PTAFR: variants seen among roughly 807,000 people sequenced by gnomAD.
PTAFR encodes platelet-activating factor receptor.
A neutral mutation model predicts 14.7 loss-of-function variants in PTAFR; 8 were observed. The ratio of observed to expected loss-of-function variants is 0.54; its 90% CI spans 0.32 to 0.98. The LOEUF is 0.98. PTAFR is among the 50% of genes least tolerant of loss of function. PTAFR has a pLI of 0.04. For missense variants in PTAFR, 337 were observed against 451.2 expected (o/e 0.75, Z 2.29); for synonymous variants, 156 against 176.5 (o/e 0.88, Z 0.92).
At chr1:28,153,656 G>A (rs1037007775) in intron 1 of PTAFR, among the ~76,000 whole-genome samples, 2 of 151,528 alleles carry the variant, frequency 1.3e-5, no homozygotes, top group African/African-American at 4.9e-5. Flanking sequence ...TTGGGAGGCC[G>A]AAGCAGGCAC....
intron 1 of PTAFR, among the ~76,000 whole-genome samples, chr1:28,188,318 C>T (rs1447627354): frequency 6.6e-6 from 1 of 152,122 alleles, no homozygotes; most frequent in Non-Finnish European, 1.5e-5. Flanking sequence ...TGATGGTGCA[C>T]GCCTGTAATC....
intron 1 of PTAFR, among the ~76,000 whole-genome samples, chr1:28,168,054 G>A (rs1172324394): frequency 7.2e-6 from 1 of 139,548 alleles, no homozygotes; most frequent in Non-Finnish European, 1.5e-5. Flanking sequence ...CGCCTCCCGG[G>A]TTCACGCCAT....
At chr1:28,157,042 C>T (rs764047603) in intron 1 of PTAFR, among the ~76,000 whole-genome samples, 2 of 152,176 alleles carry the variant, frequency 1.3e-5, no homozygotes, top group Non-Finnish European at 2.9e-5. Flanking sequence ...AAAGCCTTTC[C>T]GCCAGGGCCA....
intron 1 of PTAFR, among the ~76,000 whole-genome samples, chr1:28,155,214 TTTG>T (rs761593929): frequency 2.0e-5 from 3 of 152,074 alleles, no homozygotes; most frequent in Non-Finnish European, 2.9e-5. Context: ...GCTTTCCTTT[TTTG>T]TTGTTGTTGT....
At chr1:28,175,330 G>A (rs1012179041) in intron 1 of PTAFR, among the ~76,000 whole-genome samples, 1 of 151,988 alleles carries the variant, frequency 6.6e-6, no homozygotes, top group Non-Finnish European at 1.5e-5. Flanking sequence ...CCCACCTGAG[G>A]CCCAGGACCC....
chr1:28,190,249 C>T (rs964940925), intron 1 of PTAFR, among the ~76,000 whole-genome samples: 3 of 152,130 alleles, frequency 2.0e-5, no homozygotes, highest in East Asian at 3.9e-4. Context: ...GGATTACAGG[C>T]GTGAGCCACC....
chr1:28,193,372 C>A (rs538745425), intron 1 of PTAFR, among the ~76,000 whole-genome samples: 9 of 151,930 alleles, frequency 5.9e-5, no homozygotes, highest in African/African-American at 2.2e-4. Flanking sequence ...GGTGCCCGTT[C>A]GTGTATGTGT....
intron 1 of PTAFR, among the ~76,000 whole-genome samples, chr1:28,162,401 A>G (rs1646334450): frequency 6.6e-6 from 1 of 152,202 alleles, no homozygotes; most frequent in Admixed American, 6.5e-5. Flanking sequence ...AGCAGCTGCC[A>G]CACAAGGCAG....
chr1:28,174,264 C>T (rs2149003098), intron 1 of PTAFR, among the ~76,000 whole-genome samples: 1 of 152,274 alleles, frequency 6.6e-6, no homozygotes, highest in South Asian at 2.1e-4. Flanking sequence ...TCCTGCTCCA[C>T]TGTTGCCCTC....
intron 1 of PTAFR, among the ~76,000 whole-genome samples, chr1:28,173,306 G>T (rs56145744): frequency 2.1e-5 from 2 of 93,976 alleles, no homozygotes; most frequent in African/African-American, 4.2e-5. Context: ...AAAGGGGGGG[G>T]GGTGTGCGGG....
In PTAFR at chr1:28,150,147, A is replaced by G. The variant is rs1260548375; in HGVS notation, c.875T>C (p.Ile292Thr). ...GAACTTCTTGGTGAGGAAACAGTAG[A>G]TAACAGGGTCTAAGACACAGTTGGT... is the stretch of plus-strand genomic sequence containing the variant. ...LSTNCVLDPV[I>T]YCFLTKKFRK... The change falls in exon 2 of 2, where the codon ATC (isoleucine) becomes ACC (threonine). Residue 292 changes from isoleucine to threonine, a missense_variant. Physicochemically the swap from Ile to Thr is moderately conservative, Grantham distance 89. Transcript: ENST00000373857. The surrounding 1 kb of genome is among the most constrained non-coding windows in gnomAD (Gnocchi z 6.3). 5.6e-6 allele frequency: 9 copies of G among 1,614,218 alleles called. No individual in the cohort carries two copies. Among genetic ancestry groups the G allele is most frequent in the Non-Finnish European group, 7.6e-6 (9 of 1,180,034 alleles).
chr1:28,171,078 T>G (rs976589273), intron 1 of PTAFR, among the ~76,000 whole-genome samples: 1 of 151,942 alleles, frequency 6.6e-6, no homozygotes. Context: ...ATCCCAGCAC[T>G]CTGGGAGGCC....
At chr1:28,168,165 G>A (rs1251809310) in intron 1 of PTAFR, among the ~76,000 whole-genome samples, 1 of 147,134 alleles carries the variant, frequency 6.8e-6, no homozygotes, top group East Asian at 2.0e-4. Flanking sequence ...TAGAGAAGGG[G>A]TTTCACCGTG....
chr1:28,171,248 G>A (rs189009218), intron 1 of PTAFR, among the ~76,000 whole-genome samples: 66 of 151,698 alleles, frequency 4.4e-4, no homozygotes, highest in Admixed American at 2.8e-3. Flanking sequence ...ACTTGAACCC[G>A]GGAGGGGGAA....
rs1646157798 is a variant in PTAFR at position 28,149,847 on chromosome 1, T to C, written c.*146A>G. 9.0e-7 allele frequency: 1 copy of C among 1,109,572 alleles called. No individual in the cohort carries two copies. The highest frequency in any genetic ancestry group is 1.3e-6 in the Non-Finnish European group (1 of 787,696). The allele number at this position is 1,109,572 out of a possible 1,614,324, so 68.7% of individuals were successfully genotyped here. On this transcript the variant is annotated 3_prime_UTR_variant, in exon 2 of 2. Transcript: ENST00000373857. ...TTCCAACAGCCTGGCTCTGCCATCA[T>C]CCCTGCCCAGGTGAGGTAGCCTCCA...
chr1:28,181,138 C>T (rs575603101), upstream of PTAFR, among the ~76,000 whole-genome samples: 1 of 152,188 alleles, frequency 6.6e-6, no homozygotes, highest in East Asian at 1.9e-4. Flanking sequence ...GTGAGCACCA[C>T]GCCCGGTCGT....
intron 1 of PTAFR, among the ~76,000 whole-genome samples, chr1:28,166,578 C>T (rs866308665): frequency 2.0e-5 from 3 of 151,182 alleles, no homozygotes; most frequent in Admixed American, 6.6e-5. Context: ...GGCTGAGGCA[C>T]GAGAATCACT....
intron 1 of PTAFR, among the ~76,000 whole-genome samples, chr1:28,152,215 C>T (rs1646201280): frequency 6.6e-6 from 1 of 151,910 alleles, no homozygotes; most frequent in African/African-American, 2.4e-5. Flanking sequence ...TTTTTTCCTA[C>T]ATAAAATAAT....
At chr1:28,188,684 C>T (rs1340738326) in intron 1 of PTAFR, among the ~76,000 whole-genome samples, 8 of 151,896 alleles carry the variant, frequency 5.3e-5, no homozygotes, top group Admixed American at 1.3e-4. Context: ...CCCGGGAGAT[C>T]GCACCACTGC....
Sources: allele counts gnomAD v4.1 joint callset (sites outside exome capture counted in the v4.1 genomes callset), GRCh38; gene constraint gnomAD v4.1.1; non-coding constraint Gnocchi (gnomAD v3.1); transcripts MANE v1.5; gene names NCBI Gene and HGNC (gene_info 2026-07-23, HGNC 2026-07-21).